Variants in CLASP1 observed in about 807,000 individuals in gnomAD.
The protein encoded by CLASP1 is cytoplasmic linker associated protein 1.
CLASP1 carries 38 observed loss-of-function variants against 192.3 expected under a neutral mutation model. The observed-to-expected ratio is 0.20, with a 90% CI of 0.15 to 0.26. CLASP1 has a LOEUF of 0.26. CLASP1 is among the 10% of genes least tolerant of loss of function. The pLI, the probability that CLASP1 is intolerant of heterozygous loss-of-function variation, is 1.00. For synonymous variants in CLASP1, 691 were observed against 712.8 expected (o/e 0.97, Z 0.49); for missense variants, 1,433 against 1,932.5 (o/e 0.74, Z 4.85).
chr2:121,390,341 T>G (rs1449716236), intron 30 of CLASP1, among the ~76,000 whole-genome samples: 2 of 152,216 alleles, frequency 1.3e-5, no homozygotes, highest in African/African-American at 4.8e-5. Flanking sequence ...TGTGAACTGT[T>G]ATCTTCGTAA....
chr2:121,431,098 C>A (rs1381506225), intron 19 of CLASP1, among the ~76,000 whole-genome samples: 1 of 151,838 alleles, frequency 6.6e-6, no homozygotes, highest in Non-Finnish European at 1.5e-5. Context: ...TTATGTTGTT[C>A]AAAATCACTT....
chr2:121,473,213 T>C (rs988944157), intron 8 of CLASP1, among the ~76,000 whole-genome samples: 2 of 152,182 alleles, frequency 1.3e-5, no homozygotes, highest in Non-Finnish European at 2.9e-5. Flanking sequence ...ATTATAACTA[T>C]GTTCAATATT....
rs189167275 is a variant in CLASP1, at chr2:121,552,694, C to T, written c.196-22369G>A. 6.7e-4 allele frequency among the ~76,000 whole-genome samples: 102 copies of T among 152,264 alleles called. 1 individual carries two copies. Among genetic ancestry groups the T allele is most frequent in the African/African-American group, 2.3e-3 (96 of 41,556 alleles). On this transcript the variant is annotated intron_variant, in intron 2 of 39. Coordinates refer to ENST00000263710, the Ensembl canonical transcript of CLASP1. ...TATTAAAAAGTCAAAAAGTAACAGA[C>T]GCTGGTGAGGTTGCAGAGAAAAGGG...
At chr2:121,621,285 TTTC>T (rs1040795046) in intron 1 of CLASP1, among the ~76,000 whole-genome samples, 6 of 152,112 alleles carry the variant, frequency 3.9e-5, no homozygotes, top group African/African-American at 2.4e-5. Flanking sequence ...ACAACCATGT[TTTC>T]TTCTAAGAGT....
chr2:121,380,907 G>A (rs1241898736), intron 33 of CLASP1, among the ~76,000 whole-genome samples: 3 of 152,162 alleles, frequency 2.0e-5, no homozygotes, highest in African/African-American at 4.8e-5. Context: ...GTGCTCTGGA[G>A]GGGCAATCTT....
At chr2:121,506,394 G>A (rs1214194952) in intron 7 of CLASP1, among the ~76,000 whole-genome samples, 1 of 151,896 alleles carries the variant, frequency 6.6e-6, no homozygotes, top group Non-Finnish European at 1.5e-5. Flanking sequence ...CCTTTTCCCT[G>A]AGGCGATGAT....
exon 2 of CLASP1, chr2:121,605,828 A>G (rs561212944): frequency 2.5e-6 from 4 of 1,614,024 alleles, no homozygotes; most frequent in East Asian, 4.5e-5. Flanking sequence ...TTCTTGGCCA[A>G]CCTGCAATCG....
At chr2:121,358,060 AC>A (rs1320574870) in intron 37 of CLASP1, among the ~76,000 whole-genome samples, 1 of 152,190 alleles carries the variant, frequency 6.6e-6, no homozygotes, top group Non-Finnish European at 1.5e-5. Flanking sequence ...GTACACCACT[AC>A]CCATCAATCA....
chr2:121,400,749 C>A (rs899981399), intron 28 of CLASP1, among the ~76,000 whole-genome samples: 2 of 152,172 alleles, frequency 1.3e-5, no homozygotes, highest in African/African-American at 2.4e-5. Flanking sequence ...TTTGTAGTAA[C>A]TTATAAAAGT....
At chr2:121,531,061 A>T (rs184939100) in intron 2 of CLASP1, 2 of 694,278 alleles carry the variant, frequency 2.9e-6, no homozygotes, top group South Asian at 1.5e-5. Flanking sequence ...ATTCGTAAAT[A>T]AACTAGTACT....
intron 36 of CLASP1, chr2:121,364,867 A>G: frequency 1.8e-6 from 1 of 560,446 alleles, no homozygotes; most frequent in Non-Finnish European, 3.2e-6. Context: ...ACTACTATAA[A>G]CCCAGTTGCA....
At chr2:121,429,455 A>G (rs1476919646) in intron 20 of CLASP1, among the ~76,000 whole-genome samples, 1 of 152,220 alleles carries the variant, frequency 6.6e-6, no homozygotes, top group Non-Finnish European at 1.5e-5. Flanking sequence ...GTGTGGCTGG[A>G]AAGTGAGACA....
chr2:121,402,521 T>C, intron 26 of CLASP1: 1 of 500,732 alleles, frequency 2.0e-6, no homozygotes. Flanking sequence ...GAAAAAGTCA[T>C]TCAGCTGTGG....
At chr2:121,350,795 C>T (rs114447986) in intron 37 of CLASP1, among the ~76,000 whole-genome samples, 2,532 of 152,248 alleles carry the variant, frequency 0.017, 77 homozygotes, top group African/African-American at 0.058. Context: ...CTACAAAACA[C>T]CTGGAAGAAA....
At chr2:121,445,554 G>T in intron 19 of CLASP1, 1 of 959,886 alleles carries the variant, frequency 1.0e-6, no homozygotes, top group Non-Finnish European at 1.4e-6. Flanking sequence ...AAGATGTCAT[G>T]TGTCAACCTA....
At chr2:121,403,776 C>A in intron 26 of CLASP1, 1 of 468,784 alleles carries the variant, frequency 2.1e-6, no homozygotes, top group Admixed American at 2.3e-5. Context: ...TCAGCTGGGA[C>A]TCTCTCATCA....
At chr2:121,407,698 C>T (rs1463138689) in exon 25 of CLASP1, 1 of 1,613,922 alleles carries the variant, frequency 6.2e-7, no homozygotes, top group South Asian at 1.1e-5. Flanking sequence ...GCTCATATCT[C>T]CTCCTCACAG....
intron 26 of CLASP1, chr2:121,402,763 C>G (rs2076326470): frequency 2.3e-6 from 1 of 443,152 alleles, no homozygotes; most frequent in Admixed American, 2.5e-5. Flanking sequence ...TGAGTTAAAT[C>G]TTACTGCTTT....
At chr2:121,557,820 T>C (rs1002980737) in intron 2 of CLASP1, among the ~76,000 whole-genome samples, 9 of 151,644 alleles carry the variant, frequency 5.9e-5, no homozygotes, top group East Asian at 1.9e-4. Context: ...CGGTGGCTCA[T>C]GCCTGTAATC....
Sources: gnomAD v4.1 joint callset for allele counts (sites outside exome capture counted in the v4.1 genomes callset) on GRCh38, gnomAD v4.1.1 for gene constraint, MANE v1.5 for transcripts, NCBI Gene and HGNC (gene_info 2026-07-23, HGNC 2026-07-21) for gene names.